The following SLC14A2 variants were observed in gnomAD, a reference collection of about 807,000 sequenced individuals.
SLC14A2 encodes the protein urea transporter 2.
In SLC14A2, 91 loss-of-function variants were observed where a neutral mutation model predicts 104.6. The observed-to-expected ratio is 0.87, with a 90% CI of 0.73 to 1.04. SLC14A2 has a LOEUF of 1.04. Ranked by LOEUF, SLC14A2 falls within the 50% of genes least tolerant of loss-of-function variation. The probability of loss-of-function intolerance (pLI) is 0.00; values close to 1 mark genes in which losing one functional copy is unlikely to be tolerated. For missense variants in SLC14A2, 1,189 were observed against 1,156.0 expected, an observed-to-expected ratio of 1.03 and a Z score of -0.41; for synonymous variants, 476 against 466.4, an observed-to-expected ratio of 1.02 and a Z score of -0.27.
intron 1 of SLC14A2, among the ~76,000 whole-genome samples, chr18:45,351,119 T>C (rs186935188): frequency 2.6e-4 from 39 of 152,346 alleles, no homozygotes; most frequent in African/African-American, 9.4e-4. Context: ...TTTCTGATGA[T>C]GGTGTTCTTT....
chr18:45,171,891 C>T, the SLC14A2 span, among the ~76,000 whole-genome samples: 1 of 152,078 alleles, frequency 6.6e-6, no homozygotes, highest in Admixed American at 6.6e-5. Context: ...AGATTATTCC[C>T]TAAGGCCCAA....
At chr18:45,217,522 A>G (rs1331145636) in intron 1 of SLC14A2, among the ~76,000 whole-genome samples, 2 of 152,094 alleles carry the variant, frequency 1.3e-5, no homozygotes, top group Non-Finnish European at 2.9e-5. Flanking sequence ...GAAATAGCAT[A>G]GGTGAGAAGA....
rs58464429 is a variant in SLC14A2, at chr18:45,574,373, C to T, written c.-34-50258C>T. 2.9e-3 allele frequency among the ~76,000 whole-genome samples: 438 copies of T among 152,280 alleles called. 4 individuals are homozygous for T. Among genetic ancestry groups the T allele is most frequent in the African/African-American group, 0.01 (427 of 41,560 alleles). Reference sequence around the variant, plus strand: ...ACAGTAGATTAGGTCCAGAATATCCCATAGGTCTTCAGGGTTCTTCCTATA... The same window carrying T: ...ACAGTAGATTAGGTCCAGAATATCCTATAGGTCTTCAGGGTTCTTCCTATA... On this transcript the variant is annotated intron_variant, in intron 2 of 20. Transcript: ENST00000586448.
At chr18:45,482,816 G>T (rs999083619) in intron 1 of SLC14A2, among the ~76,000 whole-genome samples, 1 of 152,304 alleles carries the variant, frequency 6.6e-6, no homozygotes, top group Admixed American at 6.5e-5. Flanking sequence ...ACAATGGTGA[G>T]AACACAAGGG....
intron 1 of SLC14A2, among the ~76,000 whole-genome samples, chr18:45,428,716 C>T (rs1427061166): frequency 6.6e-6 from 1 of 152,224 alleles, no homozygotes; most frequent in East Asian, 1.9e-4. Context: ...AGTTTAATGA[C>T]AGAATGGACC....
intron 2 of SLC14A2, among the ~76,000 whole-genome samples, chr18:45,586,290 G>A (rs549295287): frequency 1.1e-4 from 17 of 152,276 alleles, no homozygotes; most frequent in Admixed American, 5.2e-4. Flanking sequence ...CAGTGCAAAG[G>A]CCCTGAGGCA....
intron 1 of SLC14A2, among the ~76,000 whole-genome samples, chr18:45,315,045 C>A (rs902488589): frequency 6.6e-6 from 1 of 152,146 alleles, no homozygotes; most frequent in African/African-American, 2.4e-5. Context: ...TGGAGTTAAG[C>A]ATACAAAAAC....
intron 2 of SLC14A2, among the ~76,000 whole-genome samples, chr18:45,588,974 TG>T (rs34969613): frequency 0.9 from 133,856 of 148,126 alleles, 60,346 homozygotes; most frequent in Middle Eastern, 0.97. Flanking sequence ...GGTTGGTGGG[TG>T]GGGGGGGGTG....
chr18:45,438,165 CA>C, intron 1 of SLC14A2: 1 of 152,180 alleles, frequency 6.6e-6, no homozygotes, highest in Non-Finnish European at 1.5e-5. Flanking sequence ...GGTAGGTACT[CA>C]GCGAATATTT....
intron 1 of SLC14A2, among the ~76,000 whole-genome samples, chr18:45,359,470 C>T (rs1169385155): frequency 3.3e-5 from 5 of 152,176 alleles, no homozygotes; most frequent in Non-Finnish European, 7.3e-5. Flanking sequence ...TAGGCCTCCC[C>T]GGACAGGCCC....
chr18:45,247,173 C>A (rs1302247647), intron 1 of SLC14A2, among the ~76,000 whole-genome samples: 1 of 152,196 alleles, frequency 6.6e-6, no homozygotes, highest in Non-Finnish European at 1.5e-5. Flanking sequence ...AAGGTAAATT[C>A]TAAGGCTATT....
intron 1 of SLC14A2, among the ~76,000 whole-genome samples, chr18:45,417,129 G>C (rs760445231): frequency 6.6e-6 from 1 of 152,174 alleles, no homozygotes; most frequent in Non-Finnish European, 1.5e-5. Flanking sequence ...CAGGATTTTG[G>C]TTATTTATCA....
chr18:45,448,702 T>C (rs1424782622), intron 1 of SLC14A2, among the ~76,000 whole-genome samples: 1 of 152,206 alleles, frequency 6.6e-6, no homozygotes, highest in Non-Finnish European at 1.5e-5. Flanking sequence ...TTGCTTACTC[T>C]TCTCTGGGTG....
At chr18:45,385,562 A>C (rs1165982136) in intron 1 of SLC14A2, among the ~76,000 whole-genome samples, 1 of 152,202 alleles carries the variant, frequency 6.6e-6, no homozygotes, top group Non-Finnish European at 1.5e-5. Flanking sequence ...GACCCGTATA[A>C]TATTCAATAT....
intron 17 of SLC14A2, among the ~76,000 whole-genome samples, chr18:45,673,427 T>C (rs2046174883): frequency 6.6e-6 from 1 of 152,260 alleles, no homozygotes; most frequent in Admixed American, 6.5e-5. Context: ...TTCTCTGGAC[T>C]GTTTAAATCA....
intron 2 of SLC14A2, among the ~76,000 whole-genome samples, chr18:45,573,299 G>A (rs1473356858): frequency 6.6e-6 from 1 of 152,126 alleles, no homozygotes; most frequent in Non-Finnish European, 1.5e-5. Flanking sequence ...GAGAAATACT[G>A]CTTCAATATA....
At chr18:45,349,348 C>G (rs2085480063) in intron 1 of SLC14A2, among the ~76,000 whole-genome samples, 1 of 152,158 alleles carries the variant, frequency 6.6e-6, no homozygotes, top group Non-Finnish European at 1.5e-5. Flanking sequence ...TTGCAGTATA[C>G]CAAAAGTGGG....
chr18:45,192,570 G>T, the SLC14A2 span, among the ~76,000 whole-genome samples: 1 of 151,780 alleles, frequency 6.6e-6, no homozygotes, highest in African/African-American at 2.4e-5. Context: ...CCAATACTTG[G>T]TATGGTAAGT....
At chr18:45,203,142 A>C in the SLC14A2 span, among the ~76,000 whole-genome samples, 2 of 152,190 alleles carry the variant, frequency 1.3e-5, no homozygotes, top group Admixed American at 6.5e-5. Context: ...GGCACTTCAA[A>C]AGCAAATCTC....
Sources: gnomAD v4.1 joint callset for allele counts (sites outside exome capture counted in the v4.1 genomes callset) on GRCh38, gnomAD v4.1.1 for gene constraint, MANE v1.5 for transcripts, NCBI Gene and HGNC (gene_info 2026-07-23, HGNC 2026-07-21) for gene names.